The following SNAP29 variants were observed in gnomAD, a reference collection of about 807,000 sequenced individuals.
The protein encoded by SNAP29 is synaptosomal-associated protein 29.
SNAP29 carries 13 observed loss-of-function variants against 27.9 expected under a neutral mutation model. The observed-to-expected ratio is 0.47, with a 90% confidence interval of 0.30 to 0.74. The LOEUF (loss-of-function observed/expected upper bound fraction) is 0.74, where lower values mean the gene tolerates loss of function less well. Among genes scored for constraint, SNAP29 ranks in the 30% least tolerant of loss-of-function variants. The pLI is 0.06. For synonymous variants in SNAP29, 119 were observed against 127.1 expected, an observed-to-expected ratio of 0.94 and a Z score of 0.43; for missense variants, 368 against 336.5, an observed-to-expected ratio of 1.09 and a Z score of -0.73.
At chr22:20,869,222 T>C (rs1742603487) in intron 1 of SNAP29, among the ~76,000 whole-genome samples, 1 of 152,188 alleles carries the variant, frequency 6.6e-6, no homozygotes, top group African/African-American at 2.4e-5. Context: ...ATCACGCCAC[T>C]GCACTCCAGC....
At position 20,890,268 on chromosome 22, in the gene SNAP29, CA is replaced by C. The variant is rs1929117818; in HGVS notation, c.*2439del. ...CTTTTCACATGATGATTGGGATCGA[CA>C]AAAAAATGCTACCCTCTAGACTAGA... On this transcript the variant is annotated 3_prime_UTR_variant, in exon 5 of 5. Coordinates refer to ENST00000215730, the MANE Select transcript of SNAP29 (RefSeq NM_004782.4). The C allele has an allele frequency of 2.5e-6, 1 of 398,362 alleles. No individual in the cohort carries two copies. The highest frequency in any genetic ancestry group is 4.4e-6 in the Non-Finnish European group (1 of 226,012). The allele number at this position is 398,362 out of a possible 1,614,324, so 24.7% of individuals were successfully genotyped here.
chr22:20,889,791 A>G lies in SNAP29; in HGVS notation c.*1955A>G, dbSNP rs1929106450. ...TAAGCTAATTATTTAAAATAAATACATGTAAAGGCCACTGCCACATTCTCA... is the reference window on the plus strand; with the variant it reads ...TAAGCTAATTATTTAAAATAAATACGTGTAAAGGCCACTGCCACATTCTCA... On this transcript the variant is annotated 3_prime_UTR_variant, in exon 5 of 5. Transcript: ENST00000215730. 6.5e-6 allele frequency: 1 copy of G among 152,690 alleles called. No individual in the cohort carries two copies. The allele number at this position is 152,690 out of a possible 1,614,324, so 9.5% of individuals were successfully genotyped here. A position where few individuals can be genotyped will look rare whatever the true frequency, so the allele number is the denominator to read the frequency against.
chr22:20,870,628 G>T, intron 2 of SNAP29, 95 bp downstream of exon 2: 1 of 1,150,534 alleles, frequency 8.7e-7, no homozygotes, highest in South Asian at 1.3e-5. Context: ...GCCATGAAGG[G>T]ATCCAACAAC....
chr22:20,880,551 G>A (rs1928866133), intron 2 of SNAP29, among the ~76,000 whole-genome samples: 1 of 152,074 alleles, frequency 6.6e-6, no homozygotes, highest in South Asian at 2.1e-4. Flanking sequence ...AACAGGAGGT[G>A]AGCCAGATGT....
Position 20,883,535 on chromosome 22 carries a change from T to A in SNAP29, c.585T>A (p.Leu195=), listed in dbSNP as rs759343570. ...ATGCTTACCCAAAGAACCCACACCT[T>A]CGAGCCTATCACCAGAAGATCGACA... ...STDAYPKNPH[L]RAYHQKIDSN... Residue 195 remains leucine (L), a synonymous_variant, in exon 4 of 5, where the codon CTT becomes CTA. Transcript: ENST00000215730. The A allele has an allele frequency of 6.2e-7, 1 of 1,613,496 alleles. No individual in the cohort carries two copies. Among genetic ancestry groups the A allele is most frequent in the Non-Finnish European group, 8.5e-7 (1 of 1,179,554 alleles).
chr22:20,886,459 C>T (rs1929017803), intron 4 of SNAP29, among the ~76,000 whole-genome samples: 1 of 151,470 alleles, frequency 6.6e-6, no homozygotes, highest in African/African-American at 2.4e-5. Context: ...AAGGTGTGCA[C>T]CACCATGCCC....
At chr22:20,873,547 C>G (rs905886667) in intron 2 of SNAP29, among the ~76,000 whole-genome samples, 1 of 152,036 alleles carries the variant, frequency 6.6e-6, no homozygotes, top group Non-Finnish European at 1.5e-5. Context: ...GCGAAGCCAT[C>G]AAGAGTTATG....
Position 20,859,337 on chromosome 22 carries a change from C to A in SNAP29, c.227C>A (p.Ala76Asp). 6.2e-7 allele frequency: 1 copy of A among 1,612,454 alleles called. No homozygotes were observed. Among genetic ancestry groups the A allele is most frequent in the Non-Finnish European group, 8.5e-7 (1 of 1,178,784 alleles). The change falls in exon 1 of 5, where the codon GCC (alanine) becomes GAC (aspartate). Residue 76 changes from alanine (A) to aspartate (D), a missense_variant. Physicochemically the swap from Ala to Asp is moderately radical, Grantham distance 126. Transcript: ENST00000215730. Reference sequence around the variant, plus strand: ...TACGAGTCCGAGAAGGTTGGGGTCGCCTCTTCCGAGGTGAGCCTGGGGCAG... The same window carrying A: ...TACGAGTCCGAGAAGGTTGGGGTCGACTCTTCCGAGGTGAGCCTGGGGCAG... ...LMYESEKVGV[A>D]SSEELARQRG...
intron 2 of SNAP29, among the ~76,000 whole-genome samples, chr22:20,875,078 G>A (rs539122945): frequency 3.3e-5 from 5 of 152,124 alleles, no homozygotes; most frequent in African/African-American, 4.8e-5. Context: ...AGCCATGGAA[G>A]TCCTGTGGCT....
intron 1 of SNAP29, among the ~76,000 whole-genome samples, chr22:20,860,517 G>A (rs955883833): frequency 6.7e-6 from 1 of 149,884 alleles, no homozygotes; most frequent in Non-Finnish European, 1.5e-5. Flanking sequence ...CTACAGGTGC[G>A]CCGCCACACC....
In SNAP29 at chr22:20,888,865, A is replaced by G. The variant is rs1477622737; in HGVS notation, c.*1029A>G. The G allele has an allele frequency of 6.6e-6, 1 of 152,164 alleles. No individual in the cohort carries two copies. Among genetic ancestry groups the G allele is most frequent in the Non-Finnish European group, 1.5e-5 (1 of 68,040 alleles). 9.4% of individuals were successfully genotyped at this position (152,164 alleles called of 1,614,324 possible). ...TTGAATCATCACTTATTTCTCTGCC[A>G]CCTGGTTTTAGGACTGGCACTCTAT... On this transcript the variant is annotated 3_prime_UTR_variant, in exon 5 of 5. Transcript: ENST00000215730.
rs756420803 is a variant in SNAP29, at chr22:20,870,405, G to C, written c.306G>C (p.Leu102Phe). The C allele has an allele frequency of 6.2e-7, 1 of 1,614,166 alleles. No individual in the cohort carries two copies. Among genetic ancestry groups the C allele is most frequent in the Middle Eastern group, 1.6e-4 (1 of 6,062 alleles). The change falls in exon 2 of 5, where the codon TTG becomes TTC. Residue 102 changes from leucine (L) to phenylalanine (F), a missense_variant. Coordinates refer to ENST00000215730, the MANE Select transcript of SNAP29 (RefSeq NM_004782.4). ...EKMVDKMDQDLKISQKHINSI... is the reference protein window; with the variant it reads ...EKMVDKMDQDFKISQKHINSI... ...TGGTGGACAAGATGGACCAAGATTTGAAGATCAGCCAGAAACACATCAATA... is the reference window on the plus strand; with the variant it reads ...TGGTGGACAAGATGGACCAAGATTTCAAGATCAGCCAGAAACACATCAATA...
intron 2 of SNAP29, among the ~76,000 whole-genome samples, chr22:20,873,620 G>C (rs1445401904): frequency 6.6e-6 from 1 of 151,870 alleles, no homozygotes; most frequent in Non-Finnish European, 1.5e-5. Flanking sequence ...TGAGGCAGGA[G>C]GATCACTTGA....
At chr22:20,872,866 G>A (rs529709804) in intron 2 of SNAP29, among the ~76,000 whole-genome samples, 6 of 109,200 alleles carry the variant, frequency 5.5e-5, no homozygotes, top group African/African-American at 2.2e-4. Context: ...GTCTCACTCT[G>A]TTGCCCAGGC....
At chr22:20,874,956 G>C (rs1284812013) in intron 2 of SNAP29, among the ~76,000 whole-genome samples, 1 of 152,054 alleles carries the variant, frequency 6.6e-6, no homozygotes, top group Non-Finnish European at 1.5e-5. Flanking sequence ...GTGGGAAGCT[G>C]GCAAGTTTGT....
At chr22:20,885,827 T>A in intron 4 of SNAP29, among the ~76,000 whole-genome samples, 1 of 152,302 alleles carries the variant, frequency 6.6e-6, no homozygotes, top group East Asian at 1.9e-4. Context: ...GCCGGTCCAC[T>A]CTGGTGGGGC....
In SNAP29 at chr22:20,887,800, C is replaced by T. The variant is rs760198575; in HGVS notation, c.741C>T (p.Asn247=). The part of the protein sequence containing the change: ...LTTKVDKLDV[N]IKSTERKVRQ... ...CCAAAGTGGACAAGTTAGATGTCAA[C>T]ATAAAAAGCACAGAAAGAAAAGTTC... Residue 247 remains asparagine (N), a synonymous_variant, in exon 5 of 5, where the codon AAC becomes AAT. Transcript: ENST00000215730. The T allele has an allele frequency of 1.2e-6, 2 of 1,614,108 alleles. No homozygotes were observed. Among genetic ancestry groups the T allele is most frequent in the Admixed American group, 3.3e-5 (2 of 60,022 alleles).
At chr22:20,868,170 G>A (rs165873) in intron 1 of SNAP29, among the ~76,000 whole-genome samples, 74,007 of 152,076 alleles carry the variant, frequency 0.49, 18,499 homozygotes, top group African/African-American at 0.58. Flanking sequence ...GTGATGGAAG[G>A]AGCAGAAATG....
chr22:20,863,230 A>G (rs1211849664), intron 1 of SNAP29, among the ~76,000 whole-genome samples: 1 of 152,166 alleles, frequency 6.6e-6, no homozygotes, highest in Non-Finnish European at 1.5e-5. Flanking sequence ...ATGGGAACAG[A>G]GGAGTATGAG....
Sources: allele counts gnomAD v4.1 joint callset (sites outside exome capture counted in the v4.1 genomes callset), GRCh38; gene constraint gnomAD v4.1.1; transcripts MANE v1.5; gene names NCBI Gene and HGNC (gene_info 2026-07-23, HGNC 2026-07-21).